The following LAMP3 variants were observed in gnomAD, a reference collection of about 807,000 sequenced individuals.
The protein encoded by LAMP3 is lysosome associated membrane protein 3, also known as lysosome-associated membrane glycoprotein 3.
LAMP3 carries 26 observed loss-of-function variants against 34.8 expected under a neutral mutation model. The ratio of observed to expected loss-of-function variants is 0.75; its 90% confidence interval spans 0.55 to 1.04. LAMP3 has a LOEUF of 1.04. Ranked by LOEUF, LAMP3 falls within the 50% of genes least tolerant of loss-of-function variation. The pLI, the probability that LAMP3 is intolerant of heterozygous loss-of-function variation, is 0.00. For synonymous variants in LAMP3, 180 were observed against 201.9 expected, an observed-to-expected ratio of 0.89 and a Z score of 0.92; for missense variants, 495 against 524.0, an observed-to-expected ratio of 0.94 and a Z score of 0.54.
At chr3:183,129,336 T>G (rs1286873337) in intron 5 of LAMP3, among the ~76,000 whole-genome samples, 1 of 152,216 alleles carries the variant, frequency 6.6e-6, no homozygotes, top group African/African-American at 2.4e-5. Context: ...CAATTATTTA[T>G]CTCAAGGAAA....
intron 2 of LAMP3, 115 bp from the exon 3 acceptor site, chr3:183,152,618 G>T: frequency 4.6e-6 from 4 of 876,352 alleles, no homozygotes; most frequent in Non-Finnish European, 6.8e-6. Context: ...ATTCGCTGGA[G>T]AACTGCAAAG....
intron 5 of LAMP3, among the ~76,000 whole-genome samples, chr3:183,125,222 A>G (rs1719755063): frequency 6.6e-6 from 1 of 152,240 alleles, no homozygotes; most frequent in Non-Finnish European, 1.5e-5. Context: ...ACCATGTCTT[A>G]GTCATTATAG....
At chr3:183,134,377 G>A (rs897613271) in intron 5 of LAMP3, among the ~76,000 whole-genome samples, 29 of 152,224 alleles carry the variant, frequency 1.9e-4, no homozygotes, top group East Asian at 7.7e-4. Context: ...GAACACTGGC[G>A]TGCACTGCTG....
chr3:183,134,752 T>C (rs1305759679), intron 5 of LAMP3, among the ~76,000 whole-genome samples: 1 of 152,200 alleles, frequency 6.6e-6, no homozygotes, highest in Non-Finnish European at 1.5e-5. Flanking sequence ...ACATCTGCAA[T>C]TTCATGATGG....
intron 5 of LAMP3, chr3:183,132,829 A>C (rs903681259): frequency 2.0e-6 from 2 of 985,448 alleles, no homozygotes; most frequent in Non-Finnish European, 2.4e-6. Flanking sequence ...ACATGCGTTC[A>C]TATCCTCTAC....
intron 1 of LAMP3, chr3:183,158,243 C>T (rs1358331511): frequency 6.6e-6 from 1 of 152,170 alleles, no homozygotes. Context: ...TATGACCACA[C>T]ACATGGTCTA....
intron 3 of LAMP3, among the ~76,000 whole-genome samples, chr3:183,150,527 T>C (rs1355765046): frequency 6.6e-6 from 1 of 151,596 alleles, no homozygotes; most frequent in Non-Finnish European, 1.5e-5. Flanking sequence ...AAAGCATAAA[T>C]GTTTATGTCT....
chr3:183,137,026 G>A (rs562013), intron 4 of LAMP3, among the ~76,000 whole-genome samples: 94,272 of 151,422 alleles, frequency 0.62, 31,060 homozygotes, highest in Non-Finnish European at 0.74. Context: ...AAATAAATAA[G>A]TAGGCCGGGC....
chr3:183,124,711 A>ACC (rs2108593410), intron 5 of LAMP3, among the ~76,000 whole-genome samples: 1 of 152,316 alleles, frequency 6.6e-6, no homozygotes, highest in East Asian at 1.9e-4. Context: ...ACATGCCTGT[A>ACC]ATCCCAGCTA....
At chr3:183,146,238 T>G (rs2108606185) in intron 3 of LAMP3, among the ~76,000 whole-genome samples, 1 of 152,300 alleles carries the variant, frequency 6.6e-6, no homozygotes, top group Non-Finnish European at 1.5e-5. Context: ...CCAGAAATGC[T>G]GCTGAGCATT....
chr3:183,131,951 G>A (rs3821517), intron 5 of LAMP3: 126,770 of 984,868 alleles, frequency 0.13, 8,412 homozygotes, highest in East Asian at 0.16. Context: ...GAATGTTTGC[G>A]TAAAAGGGAA....
chr3:183,132,278 A>C, intron 5 of LAMP3: 1 of 938,176 alleles, frequency 1.1e-6, no homozygotes, highest in Non-Finnish European at 1.3e-6. Flanking sequence ...ATAGAGTAGG[A>C]TATGTTTTTT....
chr3:183,153,212 G>A (rs2108611452), intron 2 of LAMP3, among the ~76,000 whole-genome samples: 1 of 149,174 alleles, frequency 6.7e-6, no homozygotes, highest in Admixed American at 6.7e-5. Flanking sequence ...TATTGTTTTA[G>A]TGATTCCTTT....
chr3:183,126,187 A>C (rs1322662083), intron 5 of LAMP3, among the ~76,000 whole-genome samples: 1 of 152,154 alleles, frequency 6.6e-6, no homozygotes, highest in Non-Finnish European at 1.5e-5. Flanking sequence ...AAACTAAAAT[A>C]GTATTCAGAC....
chr3:183,132,725 C>T (rs981040021), intron 5 of LAMP3: 3 of 985,312 alleles, frequency 3.0e-6, no homozygotes, highest in South Asian at 4.7e-5. Context: ...GTGCAACAGG[C>T]AACGAGACAG....
chr3:183,155,986 G>A (rs1200255039), intron 1 of LAMP3, among the ~76,000 whole-genome samples: 1 of 152,212 alleles, frequency 6.6e-6, no homozygotes. Flanking sequence ...TAAGGGCAGA[G>A]GTCCTCCGTT....
intron 1 of LAMP3, among the ~76,000 whole-genome samples, chr3:183,160,275 T>G (rs1720939620): frequency 6.6e-6 from 1 of 152,216 alleles, no homozygotes; most frequent in Non-Finnish European, 1.5e-5. Flanking sequence ...GCTCCGTCTC[T>G]CCTAGCAAAA....
chr3:183,151,627 C>T (rs1720636744), intron 3 of LAMP3, among the ~76,000 whole-genome samples: 1 of 151,988 alleles, frequency 6.6e-6, no homozygotes, highest in Non-Finnish European at 1.5e-5. Flanking sequence ...GGGCTTTCAC[C>T]ATGTTGGCCA....
At chr3:183,159,789 A>T (rs1254878003) in intron 1 of LAMP3, among the ~76,000 whole-genome samples, 1 of 152,232 alleles carries the variant, frequency 6.6e-6, no homozygotes, top group Non-Finnish European at 1.5e-5. Flanking sequence ...GTGGGAGCAT[A>T]TGACTGAGTT....
Sources: gnomAD v4.1 joint callset for allele counts (sites outside exome capture counted in the v4.1 genomes callset) on GRCh38, gnomAD v4.1.1 for gene constraint, MANE v1.5 for transcripts, NCBI Gene and HGNC (gene_info 2026-07-23, HGNC 2026-07-21) for gene names.